ECPAS: variants seen among roughly 807,000 people sequenced by gnomAD.
ECPAS encodes Ecm29 proteasome adaptor and scaffold.
A neutral mutation model predicts 255.1 loss-of-function variants in ECPAS; 70 were observed. The ratio of observed to expected loss-of-function variants is 0.27; its 90% CI spans 0.23 to 0.33. The LOEUF is 0.33. Ranked by LOEUF, ECPAS falls within the 10% of genes least tolerant of loss-of-function variation. ECPAS has a pLI of 1.00. For synonymous variants in ECPAS, 784 were observed against 775.0 expected, an observed-to-expected ratio of 1.01 and a Z score of -0.19; for missense variants, 1,817 against 2,206.4, an observed-to-expected ratio of 0.82 and a Z score of 3.54.
At chr9:111,392,194 C>T (rs1234602822) in intron 28 of ECPAS, among the ~76,000 whole-genome samples, 1 of 151,998 alleles carries the variant, frequency 6.6e-6, no homozygotes, top group Non-Finnish European at 1.5e-5. Context: ...GAGCTGACAT[C>T]GTGCCACTGC....
chr9:111,454,201 C>T (rs958085342), intron 2 of ECPAS, among the ~76,000 whole-genome samples: 1 of 147,570 alleles, frequency 6.8e-6, no homozygotes, highest in Non-Finnish European at 1.5e-5. Context: ...ATCTGAGCTA[C>T]AGAAACTGTA....
At position 111,484,349 on chromosome 9, in the gene ECPAS, G is replaced by GA. The variant is rs1318235550; in HGVS notation, c.-317dup. On this transcript the variant is annotated 5_prime_UTR_variant, in exon 1 of 50. Transcript: ENST00000684092. ...TCACGTTGGCTGGGCCCGACCTGGG[G>GA]AAACACGCCTGTCCAAAGGAAGAGA... 1 of 1,609,828 alleles carries GA rather than the reference G, an allele frequency of 6.2e-7. No homozygotes were observed. Among genetic ancestry groups the GA allele is most frequent in the Non-Finnish European group, 8.5e-7 (1 of 1,178,768 alleles).
intron 3 of ECPAS, among the ~76,000 whole-genome samples, chr9:111,446,542 T>C (rs555896272): frequency 1.3e-5 from 2 of 152,326 alleles, no homozygotes; most frequent in African/African-American, 4.8e-5. Context: ...AATAATGAAA[T>C]AGGTGAATTA....
chr9:111,433,205 T>A, intron 8 of ECPAS, 28 bp downstream of exon 8: 1 of 1,602,962 alleles, frequency 6.2e-7, no homozygotes, highest in Non-Finnish European at 8.5e-7. Context: ...GTCCTTTCAA[T>A]CTTGAAAGTT....
At chr9:111,365,574 G>C (rs1302162294) in intron 48 of ECPAS, 1 of 152,568 alleles carries the variant, frequency 6.6e-6, no homozygotes, top group African/African-American at 2.4e-5. Context: ...ACTGAGGCAG[G>C]AGGACTGCTT....
Position 111,423,813 on chromosome 9 carries a change from G to A in ECPAS, c.1216-565C>T, listed in dbSNP as rs564191424. On this transcript the variant is annotated intron_variant, in intron 12 of 49. Coordinates refer to ENST00000684092, the MANE Select transcript of ECPAS (RefSeq NM_001364929.1). The stretch of plus-strand genomic sequence containing the variant: ...AGTGAGGTTCTCTCCTCAAGATACA[G>A]ATAGAGTTTTACATGGTTTTACAAA... Among the ~76,000 whole-genome samples the A allele has an allele frequency of 1.4e-4, 22 of 152,322 alleles. No homozygotes were observed. In the South Asian group the frequency reaches 4.6e-3, roughly 32 times the overall value.
rs935117169 is a variant in ECPAS, at chr9:111,437,091, G to A, written c.557C>T (p.Ser186Phe). Residue 186 changes from serine (S) to phenylalanine (F), a missense_variant, in exon 7 of 50, where the codon TCC becomes TTC. Physicochemically the swap from Ser to Phe is radical, Grantham distance 155. This residue lies in a region of ECPAS where 573 missense variants were observed against 716.2 expected (regional missense o/e 0.80). Coordinates refer to ENST00000684092, the MANE Select transcript of ECPAS (RefSeq NM_001364929.1). ...LMPYGYVLNE[S>F]QSRQNSSSAQ... ...TGAAGATGAATTTTGGCGACTCTGG[G>A]ATTCATTTAACACGTAACTGGAAAG... 1 of 1,605,240 alleles carries A rather than the reference G, an allele frequency of 6.2e-7. No individual in the cohort carries two copies. The highest frequency in any genetic ancestry group is 8.5e-7 in the Non-Finnish European group (1 of 1,177,476).
At position 111,394,316 on chromosome 9, in the gene ECPAS, G is replaced by A. The variant is rs1358293622; in HGVS notation, c.2777-11C>T. 2 of 1,480,124 alleles carry A rather than the reference G, an allele frequency of 1.4e-6. No homozygotes were observed. The highest frequency in any genetic ancestry group is 2.5e-5 in the East Asian group (1 of 40,216). 91.7% of individuals were successfully genotyped at this position (1,480,124 alleles called of 1,614,324 possible). A position where few individuals can be genotyped will look rare whatever the true frequency, so the allele number is the denominator to read the frequency against. ...CATTCACTTTGGCTCCTGGGGAAAA[G>A]CAAAGAAAAATAACAAAGAATTAAA... On this transcript the variant is annotated splice_polypyrimidine_tract_variant and intron_variant, in intron 25 of 49. Coordinates refer to ENST00000684092, the MANE Select transcript of ECPAS (RefSeq NM_001364929.1).
At chr9:111,385,266 A>G in intron 33 of ECPAS, 71 bp downstream of exon 33, 1 of 803,078 alleles carries the variant, frequency 1.2e-6, no homozygotes, top group Non-Finnish European at 2.0e-6. Context: ...TTTGACATAC[A>G]CAACATAAAT....
chr9:111,430,839 AT>A (rs2098228757), intron 8 of ECPAS, among the ~76,000 whole-genome samples: 1 of 152,262 alleles, frequency 6.6e-6, no homozygotes, highest in African/African-American at 2.4e-5. Context: ...CAAATCACTT[AT>A]CCCACCCAGA....
chr9:111,369,154 C>T lies in ECPAS; in HGVS notation c.4994G>A (p.Gly1665Glu). ...LIKKNSLESS[G>E]VRTTKNEEEN... Reference sequence around the variant, plus strand: ...CTCTTCATTTTTGGTTGTCCGGACCCCACTGCTTTCAAGTGAGTTCTAGGA... The same window carrying T: ...CTCTTCATTTTTGGTTGTCCGGACCTCACTGCTTTCAAGTGAGTTCTAGGA... The change falls in exon 46 of 50, where the codon GGG becomes GAG. Residue 1665 changes from glycine (G) to glutamate (E), a missense_variant. Physicochemically the swap from Gly to Glu is moderately conservative, Grantham distance 98. Coordinates refer to ENST00000684092, the MANE Select transcript of ECPAS (RefSeq NM_001364929.1). 6.3e-7 allele frequency: 1 copy of T among 1,586,152 alleles called. No homozygotes were observed. The highest frequency in any genetic ancestry group is 8.5e-7 in the Non-Finnish European group (1 of 1,171,182).
chr9:111,456,436 A>C (rs960090235), intron 2 of ECPAS, among the ~76,000 whole-genome samples: 1 of 152,150 alleles, frequency 6.6e-6, no homozygotes, highest in Non-Finnish European at 1.5e-5. Context: ...ATACCATACA[A>C]CTGTCTCCAA....
intron 2 of ECPAS, among the ~76,000 whole-genome samples, chr9:111,452,545 A>T (rs2098261683): frequency 6.6e-6 from 1 of 152,232 alleles, no homozygotes; most frequent in Admixed American, 6.5e-5. Flanking sequence ...GGGAGGGGTT[A>T]TGTAAGTAAA....
intron 1 of ECPAS, among the ~76,000 whole-genome samples, chr9:111,473,898 T>C (rs954951955): frequency 2.6e-5 from 4 of 151,998 alleles, no homozygotes; most frequent in South Asian, 4.1e-4. Context: ...GACCAGGAAA[T>C]TGTGGCTGCA....
At chr9:111,465,333 A>T (rs2098278187) in intron 2 of ECPAS, among the ~76,000 whole-genome samples, 1 of 152,070 alleles carries the variant, frequency 6.6e-6, no homozygotes, top group Non-Finnish European at 1.5e-5. Flanking sequence ...TGAGGTCAGG[A>T]GTTTGAGACC....
At chr9:111,408,140 TAGTA>T (rs1158748797) in intron 24 of ECPAS, among the ~76,000 whole-genome samples, 1 of 152,192 alleles carries the variant, frequency 6.6e-6, no homozygotes, top group African/African-American at 2.4e-5. Context: ...CTGAGATACT[TAGTA>T]CAGTATCTTG....
At chr9:111,396,458 C>T (rs982143610) in intron 25 of ECPAS, among the ~76,000 whole-genome samples, 1 of 152,182 alleles carries the variant, frequency 6.6e-6, no homozygotes, top group Non-Finnish European at 1.5e-5. Context: ...CATAAATCCT[C>T]GTGAAAAGAG....
At chr9:111,477,900 C>CTTT (rs34461136) in intron 1 of ECPAS, among the ~76,000 whole-genome samples, 2 of 138,362 alleles carry the variant, frequency 1.4e-5, no homozygotes, top group Non-Finnish European at 3.2e-5. Flanking sequence ...TTTTTGGCAA[C>CTTT]TTTTTTTTTT....
At chr9:111,449,813 C>G (rs116237729) in intron 3 of ECPAS, among the ~76,000 whole-genome samples, 17 of 152,086 alleles carry the variant, frequency 1.1e-4, no homozygotes, top group African/African-American at 4.1e-4. Flanking sequence ...TACCTCTTTC[C>G]TCCTATCAGG....
Sources: gnomAD v4.1 joint callset for allele counts (sites outside exome capture counted in the v4.1 genomes callset) on GRCh38, gnomAD v4.1.1 for gene constraint, gnomAD v4.1.1 regional missense constraint, MANE v1.5 for transcripts, NCBI Gene and HGNC (gene_info 2026-07-23, HGNC 2026-07-21) for gene names.